KIRREL3: variants seen among roughly 807,000 people sequenced by gnomAD.
KIRREL3 encodes the protein kirre like nephrin family adhesion molecule 3, also known as kin of IRRE-like protein 3.
In KIRREL3, 36 loss-of-function variants were observed where a neutral mutation model predicts 89.7. The ratio of observed to expected loss-of-function variants is 0.40; its 90% CI spans 0.31 to 0.53. The LOEUF (loss-of-function observed/expected upper bound fraction) is 0.53, where lower values mean the gene tolerates loss of function less well. Among genes scored for constraint, KIRREL3 ranks in the 20% least tolerant of loss-of-function variants. KIRREL3 has a pLI of 0.49. For missense variants in KIRREL3, 864 were observed against 1,056.6 expected (o/e 0.82, Z 2.53); for synonymous variants, 445 against 441.4 (o/e 1.01, Z -0.10).
chr11:126,431,589 T>C lies in KIRREL3; in HGVS notation c.1589-63A>G, dbSNP rs1211626751. 4.0e-6 allele frequency: 6 copies of C among 1,492,234 alleles called. No homozygotes were observed. In the East Asian group the frequency reaches 1.4e-4, roughly 35 times the overall value. The allele number at this position is 1,492,234 out of a possible 1,614,324, so 92.4% of individuals were successfully genotyped here. A position where few individuals can be genotyped will look rare whatever the true frequency, so the allele number is the denominator to read the frequency against. ...GGAATGGCCTACTATCCCCCCATGA[T>C]CTCACCCCGTTCCTGCGGGGGCAGC... On this transcript the variant is annotated intron_variant, in intron 13 of 16. Coordinates refer to ENST00000525144, the MANE Select transcript of KIRREL3 (RefSeq NM_032531.4). This position sits in a 1 kb window ranked among gnomAD's most constrained non-coding sequence, Gnocchi z 7.1.
chr11:126,975,918 TCCTCCCTCCCTCCCTCCCTC>T (rs1191282647), intron 1 of KIRREL3, among the ~76,000 whole-genome samples: 954 of 36,508 alleles, frequency 0.026, 27 homozygotes, highest in Non-Finnish European at 0.03. Context: ...CTCCCTCCCT[TCCTCCCTCCCTCCCTCCCTC>T]CCTTCCTTCC....
Position 126,455,587 on chromosome 11 carries a change from G to C in KIRREL3, c.848+762C>G, listed in dbSNP as rs1956308077. Among the ~76,000 whole-genome samples, 1 of 151,024 alleles carries C rather than the reference G, an allele frequency of 6.6e-6. No individual in the cohort carries two copies. The highest frequency in any genetic ancestry group is 2.5e-5 in the African/African-American group (1 of 40,814). ...GTGGATCACGAGGTCAGGAGATCGA[G>C]ACCATCCTGGCTAACACGGTGAAAC... On this transcript the variant is annotated intron_variant, in intron 7 of 16. Transcript: ENST00000525144. The surrounding 1 kb of genome is among the most constrained non-coding windows in gnomAD (Gnocchi z 6.4).
At chr11:126,901,672 G>C (rs908578834) in intron 1 of KIRREL3, among the ~76,000 whole-genome samples, 4 of 152,186 alleles carry the variant, frequency 2.6e-5, no homozygotes, top group Non-Finnish European at 4.4e-5. Flanking sequence ...CATCATATAT[G>C]ATGTCCACAT....
rs1176982341 is a variant in KIRREL3 at position 126,490,463 on chromosome 11, C to T, written c.434-16997G>A. Among the ~76,000 whole-genome samples, 1 of 152,014 alleles carries T rather than the reference C, an allele frequency of 6.6e-6. No individual in the cohort carries two copies. The highest frequency in any genetic ancestry group is 2.4e-5 in the African/African-American group (1 of 41,384). On this transcript the variant is annotated intron_variant, in intron 4 of 16. Transcript: ENST00000525144. The surrounding 1 kb of genome is among the most constrained non-coding windows in gnomAD (Gnocchi z 4.2). ...AAAGACCATGTAGGCCTGTGTTCCA[C>T]GGGTGCTCAGAAATCCTGGGGGCTG...
intron 1 of KIRREL3, among the ~76,000 whole-genome samples, chr11:126,950,632 A>G (rs142661744): frequency 7.4e-4 from 113 of 152,308 alleles, no homozygotes; most frequent in African/African-American, 2.5e-3. Context: ...CTCCATGTAG[A>G]AAGTTACATT....
At chr11:126,919,813 A>G (rs1947196201) in intron 1 of KIRREL3, among the ~76,000 whole-genome samples, 1 of 152,228 alleles carries the variant, frequency 6.6e-6, no homozygotes, top group Admixed American at 6.5e-5. Flanking sequence ...AAGAGGACAG[A>G]CAGGATTTGC....
In KIRREL3 at chr11:126,811,969, C is replaced by T. The variant is rs1049514151; in HGVS notation, c.55+188486G>A. 7.2e-5 allele frequency among the ~76,000 whole-genome samples: 11 copies of T among 152,138 alleles called. No individual in the cohort carries two copies. The highest frequency in any genetic ancestry group is 2.7e-4 in the African/African-American group (11 of 41,436). ...GAGACAATCTCTGAATTCAGCCCTC[C>T]CCGTCCCCCAGCACTGGTATTGACA... On this transcript the variant is annotated intron_variant, in intron 1 of 16. Transcript: ENST00000525144. This position sits in a 1 kb window ranked among gnomAD's most constrained non-coding sequence, Gnocchi z 4.3.
chr11:126,656,937 G>C lies in KIRREL3; in HGVS notation c.56-94025C>G, dbSNP rs1945166682. On this transcript the variant is annotated intron_variant, in intron 1 of 16. Coordinates refer to ENST00000525144, the MANE Select transcript of KIRREL3 (RefSeq NM_032531.4). The surrounding 1 kb of genome is among the most constrained non-coding windows in gnomAD (Gnocchi z 4.0). ...CATGGTGGTGTGTGCTTGTGGTCCT[G>C]GCTGCTTGGGAGGCTGAGGCATGAG... Among the ~76,000 whole-genome samples, 1 of 151,908 alleles carries C rather than the reference G, an allele frequency of 6.6e-6. No homozygotes were observed. Among genetic ancestry groups the C allele is most frequent in the Non-Finnish European group, 1.5e-5 (1 of 67,958 alleles).
rs1183274544 is a variant in KIRREL3 at position 126,641,354 on chromosome 11, C to T, written c.56-78442G>A. 6.6e-6 allele frequency among the ~76,000 whole-genome samples: 1 copy of T among 151,890 alleles called. No homozygotes were observed. The highest frequency in any genetic ancestry group is 1.5e-5 in the Non-Finnish European group (1 of 68,014). ...TTCTGGGTTTAGCAGGGTCTCTACT[C>T]CAGGCCTTGTCTCTGAAGAGCCTCT... On this transcript the variant is annotated intron_variant, in intron 1 of 16. Coordinates refer to ENST00000525144, the MANE Select transcript of KIRREL3 (RefSeq NM_032531.4). The surrounding 1 kb of genome is among the most constrained non-coding windows in gnomAD (Gnocchi z 5.0).
At position 126,744,235 on chromosome 11, in the gene KIRREL3, A is replaced by G. The variant is rs1949069965; in HGVS notation, c.56-181323T>C. On this transcript the variant is annotated intron_variant, in intron 1 of 16. Coordinates refer to ENST00000525144, the MANE Select transcript of KIRREL3 (RefSeq NM_032531.4). This position sits in a 1 kb window ranked among gnomAD's most constrained non-coding sequence, Gnocchi z 4.7. ...GACATTGGTTTGTCTTCTGAAACAC[A>G]CAACTTTTTTTTTTTTTATGGGTGG... Among the ~76,000 whole-genome samples the G allele has an allele frequency of 8.6e-6, 1 of 116,084 alleles. No individual in the cohort carries two copies. The highest frequency in any genetic ancestry group is 1.8e-5 in the Non-Finnish European group (1 of 55,152). The allele number at this position is 116,084 out of a possible 152,430, so 76.2% of individuals were successfully genotyped here.
intron 1 of KIRREL3, among the ~76,000 whole-genome samples, chr11:126,789,339 G>A (rs1245160312): frequency 6.6e-6 from 1 of 152,046 alleles, no homozygotes; most frequent in Non-Finnish European, 1.5e-5. Flanking sequence ...TGCATCTGAA[G>A]CTCTTTCTTC....
chr11:126,559,846 T>A lies in KIRREL3; in HGVS notation c.133+2989A>T, dbSNP rs1939980828. ...CACCAACCCTGGCTGATTATTATTA[T>A]TTTTTTTTGTATTTTTAGTAGAGAC... On this transcript the variant is annotated intron_variant, in intron 2 of 16. Coordinates refer to ENST00000525144, the MANE Select transcript of KIRREL3 (RefSeq NM_032531.4). Among the ~76,000 whole-genome samples, 3 of 114,826 alleles carry A rather than the reference T, an allele frequency of 2.6e-5. No individual in the cohort carries two copies. In the South Asian group the frequency reaches 7.7e-4, roughly 29 times the overall value. 75.3% of individuals were successfully genotyped at this position (114,826 alleles called of 152,430 possible).
In KIRREL3 at chr11:126,438,699, G is replaced by A. The variant is rs78084945; in HGVS notation, c.1354-1690C>T. ...CATCAAAAAGCAAAGTGAATGGGGA[G>A]GCGTAGGTATTAGTTTTATTCATGA... On this transcript the variant is annotated intron_variant, in intron 11 of 16. Transcript: ENST00000525144. Among the ~76,000 whole-genome samples, 336 of 152,342 alleles carry A rather than the reference G, an allele frequency of 2.2e-3. 10 individuals are homozygous for A. In the East Asian group the frequency reaches 0.057, roughly 26 times the overall value.
rs114893820 is a variant in KIRREL3, at chr11:126,892,818, C to T, written c.55+107637G>A. Among the ~76,000 whole-genome samples, 17 of 152,172 alleles carry T rather than the reference C, an allele frequency of 1.1e-4. No individual in the cohort carries two copies. The highest frequency in any genetic ancestry group is 3.4e-4 in the African/African-American group (14 of 41,430). Reference sequence around the variant, plus strand: ...TTTCCACGGTAGTGCATACAGCCCTCGAGACCTACTCAAGAGAGGACAAAA... The same window carrying T: ...TTTCCACGGTAGTGCATACAGCCCTTGAGACCTACTCAAGAGAGGACAAAA... On this transcript the variant is annotated intron_variant, in intron 1 of 16. Transcript: ENST00000525144. This position sits in a 1 kb window ranked among gnomAD's most constrained non-coding sequence, Gnocchi z 5.4.
rs1565516195 is a variant in KIRREL3 at position 126,516,818 on chromosome 11, CG to C, written c.433+4496del. Among the ~76,000 whole-genome samples the C allele has an allele frequency of 6.6e-6, 1 of 152,156 alleles. No individual in the cohort carries two copies. The highest frequency in any genetic ancestry group is 1.5e-5 in the Non-Finnish European group (1 of 68,026). ...TGTGTACACAACTTTAAAATACAGG[CG>C]GGGTGGCTCACGCTTGTAATCCCAG... On this transcript the variant is annotated intron_variant, in intron 4 of 16. Coordinates refer to ENST00000525144, the MANE Select transcript of KIRREL3 (RefSeq NM_032531.4). This position sits in a 1 kb window ranked among gnomAD's most constrained non-coding sequence, Gnocchi z 4.9.
At chr11:126,963,177 T>C (rs1949147745) in intron 1 of KIRREL3, among the ~76,000 whole-genome samples, 1 of 152,166 alleles carries the variant, frequency 6.6e-6, no homozygotes, top group Non-Finnish European at 1.5e-5. Context: ...CCTAAATGGC[T>C]GAGAGCACTG....
intron 4 of KIRREL3, among the ~76,000 whole-genome samples, chr11:126,517,250 G>A (rs117858870): frequency 1.4e-3 from 208 of 151,894 alleles, no homozygotes; most frequent in East Asian, 0.01. Context: ...AACCAGAAAC[G>A]TCATTCATTC....
rs1037452185 is a variant in KIRREL3 at position 126,645,631 on chromosome 11, T to A, written c.56-82719A>T. Among the ~76,000 whole-genome samples the A allele has an allele frequency of 6.6e-6, 1 of 152,238 alleles. No individual in the cohort carries two copies. The highest frequency in any genetic ancestry group is 1.5e-5 in the Non-Finnish European group (1 of 68,036). The stretch of plus-strand genomic sequence containing the variant: ...GGCACGAGGTGAAATTCTAGGTTTC[T>A]GAAGAAGAAAAGGTAAGAAGGACTC... On this transcript the variant is annotated intron_variant, in intron 1 of 16. Transcript: ENST00000525144. This position sits in a 1 kb window ranked among gnomAD's most constrained non-coding sequence, Gnocchi z 4.9.
At chr11:126,712,122 C>T (rs1947781891) in intron 1 of KIRREL3, among the ~76,000 whole-genome samples, 1 of 152,224 alleles carries the variant, frequency 6.6e-6, no homozygotes, top group African/African-American at 2.4e-5. Context: ...CAGCGCGCAG[C>T]GACTTTCCTA....
Sources: gnomAD v4.1 joint callset for allele counts (sites outside exome capture counted in the v4.1 genomes callset) on GRCh38, gnomAD v4.1.1 for gene constraint, Gnocchi (gnomAD v3.1) non-coding constraint, MANE v1.5 for transcripts, NCBI Gene and HGNC (gene_info 2026-07-23, HGNC 2026-07-21) for gene names.